ELF1: variants seen among roughly 807,000 people sequenced by gnomAD.
ELF1 encodes E74 like ETS transcription factor 1.
In ELF1, 24 loss-of-function variants were observed where a neutral mutation model predicts 59.9. The observed-to-expected ratio is 0.40, with a 90% CI of 0.29 to 0.56. The LOEUF is 0.56. Among genes scored for constraint, ELF1 ranks in the 20% least tolerant of loss-of-function variants. The pLI is 0.44. For missense variants in ELF1, 627 were observed against 742.2 expected, an observed-to-expected ratio of 0.84 and a Z score of 1.80; for synonymous variants, 248 against 266.2, an observed-to-expected ratio of 0.93 and a Z score of 0.67.
At chr13:41,035,276 T>C (rs1015032492) in intron 1 of ELF1, among the ~76,000 whole-genome samples, 1 of 152,220 alleles carries the variant, frequency 6.6e-6, no homozygotes, top group Non-Finnish European at 1.5e-5. Flanking sequence ...ACATTCCGTA[T>C]CATTTGTTTA....
chr13:40,967,917 G>A (rs1171432492), intron 2 of ELF1, among the ~76,000 whole-genome samples: 3 of 151,920 alleles, frequency 2.0e-5, no homozygotes, highest in African/African-American at 7.3e-5. Context: ...ATTATTTTTT[G>A]CTTTATTTAT....
intron 5 of ELF1, among the ~76,000 whole-genome samples, chr13:40,946,121 G>A (rs930878339): frequency 1.3e-5 from 2 of 152,176 alleles, no homozygotes; most frequent in Middle Eastern, 3.2e-3. Context: ...TTACAAGCAT[G>A]AGCCACTGAG....
chr13:40,933,590 AAG>A lies in ELF1; in HGVS notation c.1693_1694del (p.Leu565TyrfsTer10), dbSNP rs1869554818. 10 of 1,614,142 alleles carry A rather than the reference AAG, an allele frequency of 6.2e-6. No homozygotes were observed. The highest frequency in any genetic ancestry group is 2.2e-5 in the East Asian group (1 of 44,884). ...SVIKTQETKT[L>X]TQEVEKKESE... ...ATTCCTTTTTCTCTACTTCCTGTGT[AAG>A]AGTTTTTGTTTCTTGAGTTTTGATA... On this transcript the variant is annotated frameshift_variant, in exon 9 of 9. Transcript: ENST00000239882. LOFTEE classifies it high-confidence loss of function.
chr13:40,986,196 G>A (rs1297473676), intron 1 of ELF1, among the ~76,000 whole-genome samples: 1 of 152,200 alleles, frequency 6.6e-6, no homozygotes, highest in African/African-American at 2.4e-5. Flanking sequence ...ACAGGCTCTG[G>A]AGTCAGACCG....
intron 1 of ELF1, among the ~76,000 whole-genome samples, chr13:41,035,945 G>T (rs1876362010): frequency 6.6e-6 from 1 of 150,592 alleles, no homozygotes; most frequent in Admixed American, 6.6e-5. Flanking sequence ...TGTCACCCAG[G>T]CTGAAGTACA....
intron 1 of ELF1, among the ~76,000 whole-genome samples, chr13:41,033,716 G>A (rs1374210802): frequency 6.6e-6 from 1 of 152,118 alleles, no homozygotes; most frequent in Non-Finnish European, 1.5e-5. Flanking sequence ...ATTTGAGGTG[G>A]AACAGTTTCA....
At chr13:41,059,866 T>C (rs924232196) in intron 1 of ELF1, among the ~76,000 whole-genome samples, 12 of 152,208 alleles carry the variant, frequency 7.9e-5, no homozygotes, top group Non-Finnish European at 1.8e-4. Flanking sequence ...TGCCGTTGTT[T>C]TAATCAATTT....
chr13:41,026,870 ACT>A (rs1291208631), intron 1 of ELF1, among the ~76,000 whole-genome samples: 6 of 152,204 alleles, frequency 3.9e-5, no homozygotes, highest in African/African-American at 1.4e-4. Flanking sequence ...CTGGTGCTAC[ACT>A]GTCTTTTCTC....
At chr13:41,061,123 G>A (rs1877593804) in exon 1 of ELF1, 1 of 192,510 alleles carries the variant, frequency 5.2e-6, no homozygotes, top group Non-Finnish European at 1.1e-5. Context: ...TCCGCCAGAG[G>A]ACCCCGACCC....
At chr13:40,981,124 T>C (rs1479188538) in intron 2 of ELF1, among the ~76,000 whole-genome samples, 2 of 152,164 alleles carry the variant, frequency 1.3e-5, no homozygotes, top group African/African-American at 2.4e-5. Context: ...AATTGGCCTA[T>C]TAAAATTAGG....
rs1870751418 is a variant in ELF1, at chr13:40,949,985, A to G, written c.362-12T>C. On this transcript the variant is annotated splice_polypyrimidine_tract_variant and intron_variant, in intron 4 of 8. Transcript: ENST00000239882. The stretch of plus-strand genomic sequence containing the variant: ...AAATATATTATTATCTAATGAAAAT[A>G]AAATCAACTAATTATAGTCCACTGT... 2 of 1,589,618 alleles carry G rather than the reference A, an allele frequency of 1.3e-6. No homozygotes were observed. The highest frequency in any genetic ancestry group is 2.3e-5 in the South Asian group (2 of 86,940).
At chr13:41,034,958 T>A (rs1876315147) in intron 1 of ELF1, among the ~76,000 whole-genome samples, 1 of 152,226 alleles carries the variant, frequency 6.6e-6, no homozygotes, top group Non-Finnish European at 1.5e-5. Context: ...CAGAGCATTG[T>A]CATGCTTTTT....
At chr13:41,024,323 G>A (rs982116908) in intron 1 of ELF1, among the ~76,000 whole-genome samples, 1 of 151,316 alleles carries the variant, frequency 6.6e-6, no homozygotes, top group African/African-American at 2.4e-5. Context: ...TGGGGGGGGT[G>A]GCTGTTTTTG....
At chr13:41,014,888 G>A (rs1875268021) in intron 1 of ELF1, among the ~76,000 whole-genome samples, 1 of 151,780 alleles carries the variant, frequency 6.6e-6, no homozygotes, top group African/African-American at 2.4e-5. Context: ...AATATCTGAA[G>A]AAGCTTCAAA....
intron 3 of ELF1, among the ~76,000 whole-genome samples, chr13:40,956,892 A>G (rs1871482726): frequency 6.6e-6 from 1 of 151,496 alleles, no homozygotes; most frequent in Non-Finnish European, 1.5e-5. Flanking sequence ...GGATTTCACC[A>G]TGTTGGCCAG....
At chr13:40,998,278 A>G (rs965801600) in intron 1 of ELF1, among the ~76,000 whole-genome samples, 26 of 152,242 alleles carry the variant, frequency 1.7e-4, no homozygotes, top group African/African-American at 5.3e-4. Context: ...TGAAGCAGAT[A>G]TACAACAGTA....
At chr13:41,058,580 CCAGGTATAT>C (rs1192654102) in intron 1 of ELF1, among the ~76,000 whole-genome samples, 16 of 152,338 alleles carry the variant, frequency 1.1e-4, no homozygotes, top group African/African-American at 3.8e-4. Context: ...GTGTTCACCC[CCAGGTATAT>C]AGTACAACTA....
chr13:40,979,051 C>T (rs1023262519), intron 2 of ELF1, among the ~76,000 whole-genome samples: 3 of 151,840 alleles, frequency 2.0e-5, no homozygotes, highest in Non-Finnish European at 4.4e-5. Flanking sequence ...CTTCCTTCCC[C>T]CATCTAGTAG....
intron 1 of ELF1, among the ~76,000 whole-genome samples, chr13:41,015,016 A>T (rs185589101): frequency 4.9e-4 from 74 of 152,248 alleles, no homozygotes; most frequent in Non-Finnish European, 1.5e-4. Context: ...AAAAAGAAAG[A>T]AAACAAAAAT....
Sources: allele counts gnomAD v4.1 joint callset (sites outside exome capture counted in the v4.1 genomes callset), GRCh38; gene constraint gnomAD v4.1.1; transcripts MANE v1.5; gene names NCBI Gene and HGNC (gene_info 2026-07-23, HGNC 2026-07-21).